The following CIMAP1D variants were observed in gnomAD, a reference collection of about 807,000 sequenced individuals.
CIMAP1D encodes the protein CIMAP1 family member D.
the CIMAP1D span, among the ~76,000 whole-genome samples, chr19:477,372 G>A: frequency 8.5e-5 from 13 of 152,100 alleles, no homozygotes; most frequent in South Asian, 2.1e-3. Flanking sequence ...TCAGGAGTTC[G>A]AGACCAGCCT....
At chr19:471,782 G>A in the CIMAP1D span, among the ~76,000 whole-genome samples, 12 of 149,010 alleles carry the variant, frequency 8.1e-5, no homozygotes, top group Admixed American at 4.0e-4. Context: ...TCACTCTGTC[G>A]CCCAGGCTGG....
the CIMAP1D span, among the ~76,000 whole-genome samples, chr19:482,046 G>C: frequency 1.3e-5 from 2 of 151,932 alleles, no homozygotes; most frequent in Non-Finnish European, 2.9e-5. Flanking sequence ...AAAGCACTGG[G>C]TTTACAGGCA....
chr19:486,159 A>G, the CIMAP1D span, among the ~76,000 whole-genome samples: 1 of 152,174 alleles, frequency 6.6e-6, no homozygotes, highest in Non-Finnish European at 1.5e-5. Flanking sequence ...CATGTTACAG[A>G]CGAGGACACC....
chr19:478,146 G>T, the CIMAP1D span, among the ~76,000 whole-genome samples: 1 of 152,218 alleles, frequency 6.6e-6, no homozygotes, highest in East Asian at 1.9e-4. Context: ...AGGAGGGAGA[G>T]AGGAGGAAAG....
the CIMAP1D span, among the ~76,000 whole-genome samples, chr19:487,120 T>C: frequency 6.6e-6 from 1 of 152,084 alleles, no homozygotes; most frequent in Admixed American, 6.6e-5. Context: ...CCCTGCCTTT[T>C]CCTTCTTCCC....
chr19:483,907 C>T, the CIMAP1D span, among the ~76,000 whole-genome samples: 5 of 152,136 alleles, frequency 3.3e-5, no homozygotes, highest in East Asian at 1.9e-4. Flanking sequence ...CTGTGCGGCA[C>T]GGGAAGGGGA....
At chr19:470,883 C>A in the CIMAP1D span, among the ~76,000 whole-genome samples, 1 of 152,220 alleles carries the variant, frequency 6.6e-6, no homozygotes, top group Non-Finnish European at 1.5e-5. Context: ...TCACTGCGCC[C>A]GTTCTAGACA....
chr19:487,037 C>A, the CIMAP1D span, among the ~76,000 whole-genome samples: 1 of 152,166 alleles, frequency 6.6e-6, no homozygotes, highest in Non-Finnish European at 1.5e-5. Flanking sequence ...CAGGTGTGAA[C>A]CGCCATGCCC....
chr19:489,166 A>G, the CIMAP1D span: 22,076 of 152,140 alleles, frequency 0.15, 2,990 homozygotes, highest in African/African-American at 0.34. Flanking sequence ...TGGCAGGGCC[A>G]GTGAGCTGCA....
chr19:467,692 G>A, the CIMAP1D span: 2 of 1,612,324 alleles, frequency 1.2e-6, no homozygotes, highest in Admixed American at 3.3e-5. Flanking sequence ...CAGGGGTGCA[G>A]CTGCGGCCAA....
the CIMAP1D span, chr19:467,737 G>C: frequency 7.4e-5 from 119 of 1,607,550 alleles, no homozygotes; most frequent in East Asian, 2.5e-3. Context: ...AGTAGATGGG[G>C]CCCGGGCTGG....
chr19:472,397 C>A, the CIMAP1D span: 1 of 1,534,906 alleles, frequency 6.5e-7, no homozygotes, highest in Non-Finnish European at 8.8e-7. Flanking sequence ...GCCTTACCCT[C>A]ACTGGGCCTC....
chr19:481,520 T>A, the CIMAP1D span, among the ~76,000 whole-genome samples: 3 of 128,266 alleles, frequency 2.3e-5, no homozygotes, highest in African/African-American at 9.4e-5. Context: ...TGGGGAAGGA[T>A]GATGGGGAAG....
the CIMAP1D span, among the ~76,000 whole-genome samples, chr19:485,189 A>G: frequency 1.3e-5 from 2 of 152,164 alleles, no homozygotes; most frequent in African/African-American, 4.8e-5. Context: ...GCCGTGCTCT[A>G]CCACGTAACA....
the CIMAP1D span, among the ~76,000 whole-genome samples, chr19:475,740 T>C: frequency 1.3e-5 from 2 of 151,416 alleles, no homozygotes; most frequent in African/African-American, 4.8e-5. Context: ...CTCTTCCTTG[T>C]TTGTTTCTGT....
At chr19:471,241 C>CG in the CIMAP1D span, among the ~76,000 whole-genome samples, 3 of 149,622 alleles carry the variant, frequency 2.0e-5, no homozygotes, top group Non-Finnish European at 3.0e-5. Context: ...ATCTGCCTCC[C>CG]GGGTTCACGC....
the CIMAP1D span, chr19:464,479 G>T: frequency 2.8e-6 from 2 of 701,818 alleles, no homozygotes; most frequent in African/African-American, 3.6e-5. Context: ...CAAGCAGCCT[G>T]GGTGCCTTTC....
the CIMAP1D span, chr19:474,692 C>A: frequency 1.3e-6 from 2 of 1,571,616 alleles, no homozygotes; most frequent in Non-Finnish European, 1.7e-6. Context: ...CGTCACTCGC[C>A]GGCCAAGGGG....
the CIMAP1D span, chr19:464,366 TGA>T: frequency 1.1e-5 from 17 of 1,523,354 alleles, no homozygotes; most frequent in African/African-American, 1.7e-4. Flanking sequence ...CCTCCGGACC[TGA>T]GAGAGTGGGG....
Sources: allele counts gnomAD v4.1 joint callset (sites outside exome capture counted in the v4.1 genomes callset), GRCh38; gene constraint gnomAD v4.1.1; transcripts MANE v1.5; gene names NCBI Gene and HGNC (gene_info 2026-07-23, HGNC 2026-07-21).